The following NFIB variants were observed in gnomAD, a reference collection of about 807,000 sequenced individuals.
NFIB encodes the protein nuclear factor 1 B-type.
A neutral mutation model predicts 61.5 loss-of-function variants in NFIB; 11 were observed. The ratio of observed to expected loss-of-function variants is 0.18; its 90% CI spans 0.11 to 0.30. The LOEUF (loss-of-function observed/expected upper bound fraction) is 0.30, where lower values mean the gene tolerates loss of function less well. NFIB is among the 10% of genes least tolerant of loss of function. The pLI, the probability that NFIB is intolerant of heterozygous loss-of-function variation, is 1.00. For synonymous variants in NFIB, 260 were observed against 216.5 expected (o/e 1.20, Z -1.76); for missense variants, 471 against 608.9 (o/e 0.77, Z 2.38).
At chr9:14,278,356 A>G (rs1360178281) in intron 2 of NFIB, among the ~76,000 whole-genome samples, 10 of 152,354 alleles carry the variant, frequency 6.6e-5, no homozygotes, top group Admixed American at 2.0e-4. Flanking sequence ...GCGAAGCTAC[A>G]GAAAGATTAG....
upstream of NFIB, among the ~76,000 whole-genome samples, chr9:14,403,744 T>C (rs371334780): frequency 2.0e-5 from 3 of 152,326 alleles, no homozygotes; most frequent in East Asian, 1.9e-4. Flanking sequence ...TCTTTTAAAA[T>C]ATTGTCATGT....
rs537049550 is a variant in NFIB, at chr9:14,342,062, C to T, written c.109-34542G>A. Among the ~76,000 whole-genome samples the T allele has an allele frequency of 5.9e-5, 9 of 152,238 alleles. No individual in the cohort carries two copies. In the South Asian group the frequency reaches 1.9e-3, roughly 32 times the overall value. On this transcript the variant is annotated intron_variant, in intron 1 of 8. Coordinates refer to the NFIB transcript ENST00000380934. ...GGAACATACTCTTTTCTGTTTCTCC[C>T]TTCTTAAGCTTTTTGGCCATGGGGC...
intron 10 of NFIB, among the ~76,000 whole-genome samples, chr9:14,098,299 C>T (rs2035195917): frequency 6.6e-6 from 1 of 152,190 alleles, no homozygotes; most frequent in Non-Finnish European, 1.5e-5. Flanking sequence ...CATACAACCA[C>T]TCACTTGTGG....
intron 10 of NFIB, among the ~76,000 whole-genome samples, chr9:14,090,785 G>A (rs2118542654): frequency 6.6e-6 from 1 of 152,110 alleles, no homozygotes; most frequent in East Asian, 1.9e-4. Flanking sequence ...AAGTCATTTG[G>A]AGATTGCATG....
upstream of NFIB, among the ~76,000 whole-genome samples, chr9:14,403,035 A>T (rs2061756942): frequency 6.6e-6 from 1 of 152,232 alleles, no homozygotes; most frequent in Non-Finnish European, 1.5e-5. Flanking sequence ...CCAGGCTAAT[A>T]GTCTCAGTCC....
At chr9:14,242,659 T>C (rs1012386405) in intron 2 of NFIB, among the ~76,000 whole-genome samples, 13 of 152,236 alleles carry the variant, frequency 8.5e-5, no homozygotes, top group African/African-American at 3.1e-4. Context: ...GTATTATTTA[T>C]ACTTCTGTAC....
chr9:14,320,088 T>C (rs761436994), intron 1 of NFIB, among the ~76,000 whole-genome samples: 1 of 152,204 alleles, frequency 6.6e-6, no homozygotes, highest in Non-Finnish European at 1.5e-5. Context: ...TCACTCAAAA[T>C]TATGCTGCTG....
At chr9:14,265,311 T>C (rs2057104932) in intron 2 of NFIB, among the ~76,000 whole-genome samples, 1 of 152,210 alleles carries the variant, frequency 6.6e-6, no homozygotes, top group Non-Finnish European at 1.5e-5. Context: ...AACCCCAATG[T>C]AGGCAGAACA....
the NFIB span, among the ~76,000 whole-genome samples, chr9:14,415,180 T>A: frequency 6.6e-6 from 1 of 152,166 alleles, no homozygotes; most frequent in Non-Finnish European, 1.5e-5. Flanking sequence ...GCAGCTGAAC[T>A]GAAGGCCCCA....
At chr9:14,365,525 C>T (rs1363456983) in intron 1 of NFIB, among the ~76,000 whole-genome samples, 1 of 152,184 alleles carries the variant, frequency 6.6e-6, no homozygotes, top group African/African-American at 2.4e-5. Context: ...TGCAGGTAGA[C>T]CAGGAGGAAT....
chr9:14,250,581 A>C (rs2055485664), intron 2 of NFIB, among the ~76,000 whole-genome samples: 1 of 152,226 alleles, frequency 6.6e-6, no homozygotes, highest in Admixed American at 6.5e-5. Flanking sequence ...AGCACTATCA[A>C]AGAACTTTGG....
At chr9:14,147,182 T>C (rs1166357199) in intron 5 of NFIB, among the ~76,000 whole-genome samples, 1 of 152,254 alleles carries the variant, frequency 6.6e-6, no homozygotes, top group East Asian at 1.9e-4. Context: ...ATGTTCCTTT[T>C]AATAGCACTT....
At chr9:14,436,476 G>T in the NFIB span, among the ~76,000 whole-genome samples, 1 of 152,206 alleles carries the variant, frequency 6.6e-6, no homozygotes, top group East Asian at 1.9e-4. Context: ...CTTGATGTCA[G>T]TCATTGTGTG....
intron 2 of NFIB, among the ~76,000 whole-genome samples, chr9:14,210,820 G>C (rs1445653387): frequency 6.6e-6 from 1 of 152,102 alleles, no homozygotes; most frequent in African/African-American, 2.4e-5. Flanking sequence ...TCATCACTGA[G>C]TCCTAAAAAA....
intron 2 of NFIB, among the ~76,000 whole-genome samples, chr9:14,217,660 C>CAAGAAAA (rs2051088564): frequency 1.2e-5 from 1 of 81,522 alleles, no homozygotes; most frequent in Non-Finnish European, 2.3e-5. Flanking sequence ...AACTCCATCT[C>CAAGAAAA]AAAAAAAAAA....
chr9:14,452,229 G>A, the NFIB span, among the ~76,000 whole-genome samples: 5 of 152,078 alleles, frequency 3.3e-5, no homozygotes, highest in African/African-American at 7.2e-5. Flanking sequence ...GGTACAGTTA[G>A]AGGTATGAGC....
intron 1 of NFIB, among the ~76,000 whole-genome samples, chr9:14,329,499 T>A (rs2060795126): frequency 6.6e-6 from 1 of 151,990 alleles, no homozygotes; most frequent in South Asian, 2.1e-4. Flanking sequence ...AGTGAGTGAC[T>A]CCTTGTCTTT....
chr9:14,260,528 T>C (rs2056648428), intron 2 of NFIB, among the ~76,000 whole-genome samples: 1 of 152,240 alleles, frequency 6.6e-6, no homozygotes, highest in African/African-American at 2.4e-5. Flanking sequence ...CTAAATCTCA[T>C]GGTGCTTCAA....
intron 1 of NFIB, among the ~76,000 whole-genome samples, chr9:14,395,696 C>T (rs1056619080): frequency 1.3e-5 from 2 of 151,320 alleles, no homozygotes; most frequent in Non-Finnish European, 2.9e-5. Flanking sequence ...CTTCCTCATC[C>T]CTCCTCATCC....
Sources: allele counts gnomAD v4.1 joint callset (sites outside exome capture counted in the v4.1 genomes callset), GRCh38; gene constraint gnomAD v4.1.1; transcripts MANE v1.5; gene names NCBI Gene and HGNC (gene_info 2026-07-23, HGNC 2026-07-21).